Variants in CTNNA3 observed in about 807,000 individuals in gnomAD.
CTNNA3 encodes catenin alpha 3.
In CTNNA3, 76 loss-of-function variants were observed where a neutral mutation model predicts 95.7. The observed-to-expected ratio is 0.79, with a 90% CI of 0.66 to 0.96. CTNNA3 has a LOEUF of 0.96. CTNNA3 is among the 40% of genes least tolerant of loss of function. The pLI is 0.00. For synonymous variants in CTNNA3, 431 were observed against 374.4 expected (o/e 1.15, Z -1.74); for missense variants, 1,191 against 1,089.8 (o/e 1.09, Z -1.31).
chr10:66,949,760 C>T (rs1420724637), intron 7 of CTNNA3, among the ~76,000 whole-genome samples: 1 of 152,174 alleles, frequency 6.6e-6, no homozygotes, highest in Non-Finnish European at 1.5e-5. Context: ...ACACAGGCAG[C>T]AGCCTCCAAT....
At chr10:65,921,187 A>G (rs1332395946) in intron 17 of CTNNA3, among the ~76,000 whole-genome samples, 1 of 152,236 alleles carries the variant, frequency 6.6e-6, no homozygotes, top group Non-Finnish European at 1.5e-5. Flanking sequence ...TCTTAAAAAC[A>G]TATCAATAGC....
At chr10:66,038,404 G>C (rs144432929) in intron 15 of CTNNA3, among the ~76,000 whole-genome samples, 1 of 152,064 alleles carries the variant, frequency 6.6e-6, no homozygotes, top group Non-Finnish European at 1.5e-5. Flanking sequence ...CAGTAGCTTC[G>C]TGGCTGCATT....
chr10:66,090,760 A>G (rs1265131148), intron 14 of CTNNA3, among the ~76,000 whole-genome samples: 1 of 151,990 alleles, frequency 6.6e-6, no homozygotes, highest in African/African-American at 2.4e-5. Context: ...CTTCTATTAT[A>G]TGTCTGTTCA....
intron 7 of CTNNA3, among the ~76,000 whole-genome samples, chr10:67,153,860 A>G (rs2132072537): frequency 6.6e-6 from 1 of 152,264 alleles, no homozygotes; most frequent in Non-Finnish European, 1.5e-5. Context: ...CTATTTAAAA[A>G]TTATTGATTT....
chr10:66,309,602 T>C (rs972958068), intron 12 of CTNNA3, among the ~76,000 whole-genome samples: 10 of 137,072 alleles, frequency 7.3e-5, no homozygotes, highest in Admixed American at 1.7e-4. Context: ...AGGGGAATGG[T>C]GTGAACCCGG....
chr10:67,389,045 A>T lies in CTNNA3; in HGVS notation c.579+132797T>A, dbSNP rs1485663913. 2.6e-5 allele frequency among the ~76,000 whole-genome samples: 4 copies of T among 151,282 alleles called. No individual in the cohort carries two copies. In the East Asian group the frequency reaches 7.7e-4, roughly 29 times the overall value. On this transcript the variant is annotated intron_variant, in intron 5 of 17. Transcript: ENST00000433211. ...AGCTAACATCATAATGACAGGATCA[A>T]ATTCACACATAACAATATTAACTTT...
At chr10:67,403,783 T>TCC (rs1358531352) in intron 5 of CTNNA3, among the ~76,000 whole-genome samples, 1 of 152,232 alleles carries the variant, frequency 6.6e-6, no homozygotes, top group Non-Finnish European at 1.5e-5. Context: ...AAACAGGGTT[T>TCC]CCAGCCACAT....
intron 10 of CTNNA3, among the ~76,000 whole-genome samples, chr10:66,613,339 C>T (rs4746603): frequency 0.62 from 94,615 of 151,760 alleles, 30,205 homozygotes; most frequent in East Asian, 0.99. Context: ...AACTGCTCCA[C>T]TGAGTACCCC....
intron 10 of CTNNA3, among the ~76,000 whole-genome samples, chr10:66,568,067 A>G (rs1202040234): frequency 2.0e-5 from 3 of 152,164 alleles, no homozygotes; most frequent in Admixed American, 2.0e-4. Flanking sequence ...GTTTTCCTTC[A>G]TCTTGCAACA....
intron 11 of CTNNA3, among the ~76,000 whole-genome samples, chr10:66,516,035 C>T (rs572204305): frequency 1.6e-5 from 2 of 123,228 alleles, no homozygotes; most frequent in Non-Finnish European, 3.2e-5. Context: ...ATTCTCATCA[C>T]AGCTATTCAA....
At chr10:67,665,118 T>C (rs140953042) in intron 1 of CTNNA3, among the ~76,000 whole-genome samples, 33 of 152,346 alleles carry the variant, frequency 2.2e-4, no homozygotes, top group African/African-American at 7.2e-4. Context: ...AATGAGCTGA[T>C]GTAAGACTAC....
At chr10:66,511,746 T>C (rs61224100) in intron 11 of CTNNA3, among the ~76,000 whole-genome samples, 22,960 of 151,920 alleles carry the variant, frequency 0.15, 1,804 homozygotes, top group Non-Finnish European at 0.17. Flanking sequence ...ATTGCATTTT[T>C]GAAAAAATTA....
At chr10:66,762,626 C>G (rs1205111740) in intron 9 of CTNNA3, among the ~76,000 whole-genome samples, 4 of 151,500 alleles carry the variant, frequency 2.6e-5, no homozygotes, top group Non-Finnish European at 5.9e-5. Flanking sequence ...CAGGCATGTT[C>G]AGACCAAATT....
At chr10:67,259,488 C>G (rs1002073846) in intron 5 of CTNNA3, among the ~76,000 whole-genome samples, 1 of 151,930 alleles carries the variant, frequency 6.6e-6, no homozygotes, top group African/African-American at 2.4e-5. Flanking sequence ...AGTAAGTTAA[C>G]AAGACCTGAG....
intron 10 of CTNNA3, among the ~76,000 whole-genome samples, chr10:66,534,192 T>C (rs1480517432): frequency 6.6e-6 from 1 of 152,106 alleles, no homozygotes; most frequent in East Asian, 1.9e-4. Flanking sequence ...TTTTGCTATT[T>C]CTTCAGATTT....
chr10:66,586,363 G>T (rs1367082925), intron 10 of CTNNA3, among the ~76,000 whole-genome samples: 5 of 152,048 alleles, frequency 3.3e-5, no homozygotes, highest in African/African-American at 1.2e-4. Flanking sequence ...AGCTCTCCGT[G>T]AAATACACTG....
At chr10:66,150,383 C>T (rs924815172) in intron 13 of CTNNA3, among the ~76,000 whole-genome samples, 3 of 152,004 alleles carry the variant, frequency 2.0e-5, no homozygotes, top group East Asian at 1.9e-4. Context: ...GGAAATTGCC[C>T]GTCTCGGGTA....
At chr10:67,703,732 C>G (rs1419371517) in intron 1 of CTNNA3, among the ~76,000 whole-genome samples, 2 of 152,184 alleles carry the variant, frequency 1.3e-5, no homozygotes, top group Non-Finnish European at 2.9e-5. Flanking sequence ...GGGATGCCCT[C>G]TCTCACCACT....
intron 5 of CTNNA3, among the ~76,000 whole-genome samples, chr10:67,448,602 AATTG>A (rs1252042376): frequency 1.3e-5 from 2 of 151,746 alleles, no homozygotes; most frequent in African/African-American, 2.4e-5. Context: ...CTTTTGGGAT[AATTG>A]ATTATGTATT....
Sources: gnomAD v4.1 joint callset for allele counts (sites outside exome capture counted in the v4.1 genomes callset) on GRCh38, gnomAD v4.1.1 for gene constraint, MANE v1.5 for transcripts, NCBI Gene and HGNC (gene_info 2026-07-23, HGNC 2026-07-21) for gene names.